PPP4R3B: variants seen among roughly 807,000 people sequenced by gnomAD.
PPP4R3B encodes serine/threonine-protein phosphatase 4 regulatory subunit 3B.
A neutral mutation model predicts 95.4 loss-of-function variants in PPP4R3B; 52 were observed. That is an observed-to-expected ratio of 0.54 (90% confidence interval 0.44 to 0.69). The LOEUF (loss-of-function observed/expected upper bound fraction) is 0.69, where lower values mean the gene tolerates loss of function less well. Among genes scored for constraint, PPP4R3B ranks in the 30% least tolerant of loss-of-function variants. The pLI is 0.00. For synonymous variants in PPP4R3B, 407 were observed against 343.9 expected, an observed-to-expected ratio of 1.18 and a Z score of -2.03; for missense variants, 1,003 against 1,005.9, an observed-to-expected ratio of 1.00 and a Z score of 0.04.
chr2:55,597,647 C>CAAACAAACA (rs775299641), intron 4 of PPP4R3B, among the ~76,000 whole-genome samples: 51 of 151,156 alleles, frequency 3.4e-4, no homozygotes, highest in Admixed American at 4.6e-4. Flanking sequence ...AACAAACAAA[C>CAAACAAACA]AAAACTAGCT....
At chr2:55,566,734 G>T (rs925007042) in intron 13 of PPP4R3B, among the ~76,000 whole-genome samples, 1 of 152,182 alleles carries the variant, frequency 6.6e-6, no homozygotes, top group African/African-American at 2.4e-5. Flanking sequence ...CCAGCCAGGT[G>T]CAGTGGCTCA....
intron 3 of PPP4R3B, among the ~76,000 whole-genome samples, chr2:55,602,292 C>T (rs1692728092): frequency 6.6e-6 from 1 of 152,208 alleles, no homozygotes. Flanking sequence ...GATGCTCACA[C>T]AAATATGATC....
intron 2 of PPP4R3B, among the ~76,000 whole-genome samples, chr2:55,607,839 G>C (rs540880006): frequency 5.9e-5 from 9 of 152,136 alleles, no homozygotes. Flanking sequence ...CAGGTCAATG[G>C]ATATTACTAA....
rs1250591318 is a variant in PPP4R3B, at chr2:55,578,320, T to C, written c.1491A>G (p.Arg497=). 4.8e-6 allele frequency: 7 copies of C among 1,450,344 alleles called. No homozygotes were observed. The highest frequency in any genetic ancestry group is 6.4e-6 in the Non-Finnish European group (7 of 1,100,754). The allele number at this position is 1,450,344 out of a possible 1,614,324, so 89.8% of individuals were successfully genotyped here. A position where few individuals can be genotyped will look rare whatever the true frequency, so the allele number is the denominator to read the frequency against. The change falls in exon 10 of 17, where the codon AGA becomes AGG. Residue 497 remains arginine, a synonymous_variant. Coordinates refer to ENST00000616407, the MANE Select transcript of PPP4R3B (RefSeq NM_001122964.3). ...CEKDFFLKHY[R]YSWSFICTPS... is the part of the protein sequence containing the mutation. ...GGGTACATATGAAACTCCAACTATA[T>C]CTGTAATGTTTTAAAAAAAAATCTG...
rs367696167 is a variant in PPP4R3B at position 55,579,708 on chromosome 2, G to A, written c.1439C>T (p.Thr480Ile). Residue 480 changes from threonine to isoleucine, a missense_variant, in exon 9 of 17, where the codon ACC becomes ATC. This residue lies in a region of PPP4R3B where 695 missense variants were observed against 686.2 expected (regional missense o/e 1.01). Transcript: ENST00000616407. The part of the protein sequence containing the change: ...CMHVLTAPLL[T>I]NTSEDKCEKD... ...TTCACATTTGTCTTCTGAAGTATTG[G>A]TCAAAAGTGGTGCTGTGAGAACATG... The A allele has an allele frequency of 1.9e-6, 3 of 1,606,560 alleles. No individual in the cohort carries two copies. In the African/African-American group the frequency reaches 4.0e-5, roughly 22 times the overall value.
chr2:55,577,387 T>C lies in PPP4R3B; in HGVS notation c.1565-31A>G, dbSNP rs992817623. On this transcript the variant is annotated intron_variant, in intron 10 of 16. Coordinates refer to ENST00000616407, the MANE Select transcript of PPP4R3B (RefSeq NM_001122964.3). ...AAAAAAATTAAAAATTAAAATAAAATACTTCAGTAATAATATCCCAGATTT... is the reference window on the plus strand; with the variant it reads ...AAAAAAATTAAAAATTAAAATAAAACACTTCAGTAATAATATCCCAGATTT... 4.2e-6 allele frequency: 6 copies of C among 1,416,338 alleles called. No homozygotes were observed. The African/African-American group carries it at 8.9e-5, about 21-fold the overall frequency. The allele number at this position is 1,416,338 out of a possible 1,614,324, so 87.7% of individuals were successfully genotyped here.
At chr2:55,590,855 A>G (rs991757307) in intron 4 of PPP4R3B, among the ~76,000 whole-genome samples, 68 of 152,340 alleles carry the variant, frequency 4.5e-4, no homozygotes, top group African/African-American at 1.5e-3. Flanking sequence ...AACGTGGAAC[A>G]TGTATTTTTA....
chr2:55,606,637 C>T (rs375114305), intron 2 of PPP4R3B, among the ~76,000 whole-genome samples: 29 of 151,922 alleles, frequency 1.9e-4, no homozygotes, highest in African/African-American at 6.3e-4. Context: ...GTATGGCCAA[C>T]ATGGTTGAAA....
rs2903704 is a variant in PPP4R3B, at chr2:55,578,304, T to C, written c.1507A>G (p.Ile503Val). Residue 503 changes from isoleucine to valine, a missense_variant, in exon 10 of 17, where the codon ATA (isoleucine) becomes GTA (valine). Ile to Val is a conservative substitution (Grantham distance 29). This residue lies in a region of PPP4R3B where 695 missense variants were observed against 686.2 expected (regional missense o/e 1.01). Coordinates refer to ENST00000616407, the MANE Select transcript of PPP4R3B (RefSeq NM_001122964.3). ...LKHYRYSWSF[I>V]CTPSHSHSHS... ...GAATGGGAATGTGAAGGGGTACATA[T>C]GAAACTCCAACTATATCTGTAATGT... 0.98 allele frequency: 1,434,288 copies of C among 1,460,270 alleles called. 704,447 individuals carry two copies. The highest frequency in any genetic ancestry group is 1 in the East Asian group (38,153 of 38,154). 90.5% of individuals were successfully genotyped at this position (1,460,270 alleles called of 1,614,324 possible). A position where few individuals can be genotyped will look rare whatever the true frequency, so the allele number is the denominator to read the frequency against.
Position 55,588,897 on chromosome 2 carries a change from A to G in PPP4R3B, c.981T>C (p.Asp327=), listed in dbSNP as rs1328340670. 3.1e-6 allele frequency: 5 copies of G among 1,609,094 alleles called. No homozygotes were observed. Among genetic ancestry groups the G allele is most frequent in the Non-Finnish European group, 4.2e-6 (5 of 1,177,126 alleles). The change falls in exon 5 of 17, where the codon GAT becomes GAC. Residue 327 remains aspartate, a synonymous_variant. Transcript: ENST00000616407. ...FAQLTDEATD[D]DKRRELVNFF... ...AACTTACCAATTCACGCCGTTTATC[A>G]TCATCTGTAGCCTCATCTGTTAATT...
At chr2:55,606,777 G>A (rs1307311231) in intron 2 of PPP4R3B, among the ~76,000 whole-genome samples, 2 of 144,834 alleles carry the variant, frequency 1.4e-5, no homozygotes, top group Admixed American at 1.4e-4. Context: ...GAGCGAGATT[G>A]CATCATTGCA....
chr2:55,589,491 G>T (rs1403274447), intron 4 of PPP4R3B, among the ~76,000 whole-genome samples: 2 of 152,148 alleles, frequency 1.3e-5, no homozygotes, highest in African/African-American at 4.8e-5. Flanking sequence ...ACACGTTCTT[G>T]CGGTCCCCAA....
intron 16 of PPP4R3B, among the ~76,000 whole-genome samples, chr2:55,556,365 A>T (rs1286745081): frequency 6.6e-6 from 1 of 152,234 alleles, no homozygotes; most frequent in Non-Finnish European, 1.5e-5. Context: ...AATTTTGCTC[A>T]TTCATAAGTA....
At chr2:55,568,426 G>T in intron 12 of PPP4R3B, 63 bp from the exon 13 acceptor site, 1 of 1,350,084 alleles carries the variant, frequency 7.4e-7, no homozygotes, top group Non-Finnish European at 9.9e-7. Flanking sequence ...TTATACAGGT[G>T]TTTTTCCACC....
At position 55,617,247 on chromosome 2, in the gene PPP4R3B, C is replaced by G; in HGVS notation, c.39G>C (p.Leu13=). The change falls in exon 1 of 17, where the codon CTG becomes CTC. Residue 13 remains leucine, a synonymous_variant. Transcript: ENST00000616407. ...GGTCGTCCCATTGCCGGTCTTCGTTCAGGGTATAGACCTTCACTCGCCGCC... is the reference window on the plus strand; with the variant it reads ...GGTCGTCCCATTGCCGGTCTTCGTTGAGGGTATAGACCTTCACTCGCCGCC... ...DTRRRVKVYT[L]NEDRQWDDRG... is the part of the protein sequence containing the mutation. 4 of 1,614,040 alleles carry G rather than the reference C, an allele frequency of 2.5e-6. No individual in the cohort carries two copies. Among genetic ancestry groups the G allele is most frequent in the Non-Finnish European group, 3.4e-6 (4 of 1,179,936 alleles).
chr2:55,553,737 T>A (rs1000860174), intron 16 of PPP4R3B, among the ~76,000 whole-genome samples: 2 of 152,206 alleles, frequency 1.3e-5, no homozygotes, highest in Non-Finnish European at 2.9e-5. Context: ...TTACTTCAAT[T>A]ACCACAATGT....
At chr2:55,616,006 T>C (rs1694874234) in intron 1 of PPP4R3B, among the ~76,000 whole-genome samples, 1 of 146,748 alleles carries the variant, frequency 6.8e-6, no homozygotes, top group Non-Finnish European at 1.5e-5. Flanking sequence ...ACATTTAATC[T>C]AAAATATTTC....
intron 1 of PPP4R3B, among the ~76,000 whole-genome samples, chr2:55,615,857 C>CAAAAAAAAAAAAAAAAAAAAAAA (rs58981030): frequency 1.8e-4 from 7 of 39,064 alleles, no homozygotes; most frequent in African/African-American, 1.1e-3. Context: ...ACTCTGTCTC[C>CAAAAAAAAAAAAAAAAAAAAAAA]AAAAAAAAAA....
intron 1 of PPP4R3B, among the ~76,000 whole-genome samples, 176 bp from the exon 2 acceptor site, chr2:55,615,682 T>C (rs895277319): frequency 4.6e-5 from 7 of 151,618 alleles, no homozygotes; most frequent in African/African-American, 1.5e-4. Flanking sequence ...GGTGAAACCG[T>C]CTCTACTAAA....
Sources: gnomAD v4.1 joint callset for allele counts (sites outside exome capture counted in the v4.1 genomes callset) on GRCh38, gnomAD v4.1.1 for gene constraint, gnomAD v4.1.1 regional missense constraint, MANE v1.5 for transcripts, NCBI Gene and HGNC (gene_info 2026-07-23, HGNC 2026-07-21) for gene names.